The following SFMBT2 variants were observed in gnomAD, a reference collection of about 807,000 sequenced individuals.
SFMBT2 encodes the protein scm-like with four MBT domains protein 2.
SFMBT2 carries 38 observed loss-of-function variants against 110.1 expected under a neutral mutation model. The ratio of observed to expected loss-of-function variants is 0.35; its 90% CI spans 0.27 to 0.45. The LOEUF is 0.45. Among genes scored for constraint, SFMBT2 ranks in the 20% least tolerant of loss-of-function variants. The pLI is 1.00. For missense variants in SFMBT2, 1,011 were observed against 1,094.9 expected, an observed-to-expected ratio of 0.92 and a Z score of 1.08; for synonymous variants, 425 against 425.4, an observed-to-expected ratio of 1.00 and a Z score of 0.01.
chr10:7,262,505 C>T (rs1159844456), intron 7 of SFMBT2, among the ~76,000 whole-genome samples: 1 of 152,204 alleles, frequency 6.6e-6, no homozygotes, highest in African/African-American at 2.4e-5. Context: ...AATATGATCT[C>T]ACCCTCCCTG....
At chr10:7,344,158 T>C (rs1844025116) in intron 4 of SFMBT2, among the ~76,000 whole-genome samples, 1 of 152,322 alleles carries the variant, frequency 6.6e-6, no homozygotes, top group African/African-American at 2.4e-5. Context: ...ATATTTTTTC[T>C]GTCTTTTCAT....
At chr10:7,250,503 G>T (rs1049008781) in intron 7 of SFMBT2, among the ~76,000 whole-genome samples, 1 of 152,166 alleles carries the variant, frequency 6.6e-6, no homozygotes, top group African/African-American at 2.4e-5. Context: ...GGGCACTTAG[G>T]TTGATTCCAT....
At chr10:7,377,237 C>A (rs979127181) in intron 2 of SFMBT2, among the ~76,000 whole-genome samples, 2 of 150,266 alleles carry the variant, frequency 1.3e-5, no homozygotes, top group African/African-American at 4.9e-5. Flanking sequence ...TTTCTTCGAT[C>A]CCATAATTTT....
At chr10:7,218,790 C>T (rs147166945) in intron 11 of SFMBT2, among the ~76,000 whole-genome samples, 42 of 152,178 alleles carry the variant, frequency 2.8e-4, no homozygotes, top group African/African-American at 8.9e-4. Flanking sequence ...CGTGGGAAGC[C>T]GTAGGGTCTG....
At chr10:7,331,981 A>C (rs10905153) in intron 4 of SFMBT2, among the ~76,000 whole-genome samples, 59,039 of 146,218 alleles carry the variant, frequency 0.4, 13,080 homozygotes, top group African/African-American at 0.61. Flanking sequence ...CCATTGCACT[A>C]CAGTCTCCTG....
chr10:7,382,763 A>G (rs1424926477), intron 1 of SFMBT2, among the ~76,000 whole-genome samples: 1 of 152,240 alleles, frequency 6.6e-6, no homozygotes, highest in Non-Finnish European at 1.5e-5. Context: ...ATGTTTGTCA[A>G]TAATGTGCTT....
chr10:7,194,928 C>A (rs903838039), intron 15 of SFMBT2, among the ~76,000 whole-genome samples: 1 of 152,180 alleles, frequency 6.6e-6, no homozygotes, highest in Admixed American at 6.5e-5. Context: ...CAGGCTGAAG[C>A]CAAGGTCATC....
intron 16 of SFMBT2, among the ~76,000 whole-genome samples, chr10:7,185,612 C>G (rs540410512): frequency 6.6e-6 from 1 of 152,180 alleles, no homozygotes; most frequent in Non-Finnish European, 1.5e-5. Flanking sequence ...CTCTAACTCA[C>G]GTGAAATCCT....
At chr10:7,331,816 C>G (rs1007018720) in intron 4 of SFMBT2, among the ~76,000 whole-genome samples, 8 of 151,962 alleles carry the variant, frequency 5.3e-5, no homozygotes, top group African/African-American at 1.9e-4. Flanking sequence ...TCAGCCTGGT[C>G]AACATGGTGA....
At chr10:7,315,019 A>G (rs1270746250) in intron 4 of SFMBT2, among the ~76,000 whole-genome samples, 2 of 137,958 alleles carry the variant, frequency 1.4e-5, no homozygotes, top group African/African-American at 5.6e-5. Context: ...AAGAAAGAAA[A>G]GAGAGAGAAA....
intron 4 of SFMBT2, among the ~76,000 whole-genome samples, chr10:7,311,959 G>A (rs1395474127): frequency 2.0e-5 from 3 of 151,926 alleles, no homozygotes; most frequent in African/African-American, 4.8e-5. Context: ...ATGTTTTTAC[G>A]AAGCACTTAC....
At chr10:7,368,721 T>C (rs1476473391) in intron 3 of SFMBT2, among the ~76,000 whole-genome samples, 1 of 152,256 alleles carries the variant, frequency 6.6e-6, no homozygotes, top group African/African-American at 2.4e-5. Context: ...TTGTGATCAA[T>C]GTCTCTTTCC....
At chr10:7,169,088 A>T (rs1405165001) in intron 20 of SFMBT2, among the ~76,000 whole-genome samples, 2 of 151,614 alleles carry the variant, frequency 1.3e-5, no homozygotes, top group Non-Finnish European at 2.9e-5. Context: ...TCAGCCTCCC[A>T]AGTAGCTGGG....
chr10:7,191,715 G>T (rs1178684217), intron 15 of SFMBT2, among the ~76,000 whole-genome samples: 2 of 152,208 alleles, frequency 1.3e-5, no homozygotes, highest in South Asian at 2.1e-4. Flanking sequence ...GACATAAGCA[G>T]CAGGAAATCA....
chr10:7,231,931 T>C (rs977285161), intron 9 of SFMBT2, among the ~76,000 whole-genome samples: 1 of 152,104 alleles, frequency 6.6e-6, no homozygotes, highest in Non-Finnish European at 1.5e-5. Context: ...ACAGGGTCAA[T>C]TATACTCATT....
At chr10:7,302,152 C>T (rs544913715) in intron 4 of SFMBT2, among the ~76,000 whole-genome samples, 1 of 152,238 alleles carries the variant, frequency 6.6e-6, no homozygotes, top group Non-Finnish European at 1.5e-5. Context: ...CTCTTAATTC[C>T]AACCTAAATC....
At chr10:7,381,980 G>T in intron 1 of SFMBT2, 31 bp from the exon 2 acceptor site, 2 of 1,338,634 alleles carry the variant, frequency 1.5e-6, no homozygotes, top group Admixed American at 2.6e-5. Flanking sequence ...AAAAATCAGA[G>T]CAGTTTAATC....
intron 9 of SFMBT2, among the ~76,000 whole-genome samples, chr10:7,229,491 T>C (rs1840047333): frequency 2.7e-5 from 4 of 150,906 alleles, no homozygotes; most frequent in South Asian, 2.1e-4. Flanking sequence ...TGGCAGATAA[T>C]TGCTCAAACC....
At chr10:7,215,814 C>T (rs1227967356) in intron 11 of SFMBT2, 10 of 805,030 alleles carry the variant, frequency 1.2e-5, no homozygotes, top group African/African-American at 3.7e-5. Context: ...GATGGCTCCC[C>T]GTGCATCGAA....
Sources: gnomAD v4.1 joint callset for allele counts (sites outside exome capture counted in the v4.1 genomes callset) on GRCh38, gnomAD v4.1.1 for gene constraint, MANE v1.5 for transcripts, NCBI Gene and HGNC (gene_info 2026-07-23, HGNC 2026-07-21) for gene names.